Variants in FRS2 observed in about 807,000 individuals in gnomAD.
FRS2 encodes the protein fibroblast growth factor receptor substrate 2, also known as FGFR signalling adaptor.
FRS2 carries 8 observed loss-of-function variants against 43.9 expected under a neutral mutation model. The observed-to-expected ratio is 0.18, with a 90% confidence interval of 0.11 to 0.33. The LOEUF (loss-of-function observed/expected upper bound fraction) is 0.33. Among genes scored for constraint, FRS2 ranks in the 10% least tolerant of loss-of-function variants. The pLI, the probability that FRS2 is intolerant of heterozygous loss-of-function variation, is 1.00. For synonymous variants in FRS2, 219 were observed against 220.3 expected (o/e 0.99, Z 0.05); for missense variants, 534 against 627.6 (o/e 0.85, Z 1.59).
intron 3 of FRS2, among the ~76,000 whole-genome samples, chr12:69,554,226 T>C (rs1324782488): frequency 1.3e-5 from 2 of 152,172 alleles, no homozygotes; most frequent in Non-Finnish European, 2.9e-5. Context: ...TAGTTAATAA[T>C]TCATTGATTA....
At chr12:69,503,100 C>G (rs1592949017) in intron 1 of FRS2, among the ~76,000 whole-genome samples, 1 of 152,138 alleles carries the variant, frequency 6.6e-6, no homozygotes, top group African/African-American at 2.4e-5. Context: ...GGCAAAGAAT[C>G]CACTTCTAAG....
At chr12:69,498,555 G>GTGTGTGTGT (rs1565727350) in intron 1 of FRS2, among the ~76,000 whole-genome samples, 1 of 150,766 alleles carries the variant, frequency 6.6e-6, no homozygotes, top group Middle Eastern at 3.4e-3. Context: ...GTGTGTGTTT[G>GTGTGTGTGT]GTTTTTTGTT....
At position 69,489,331 on chromosome 12, in the gene FRS2, G is replaced by A. The variant is rs113019176; in HGVS notation, c.-261+18801G>A. On this transcript the variant is annotated intron_variant, in intron 1 of 8. Transcript: ENST00000549921. ...ATTTTGCTCCTTGGTTCTTTTTTTT[G>A]CACCAACTGTGTAAGAAAAATGAGG... 6.8e-3 allele frequency among the ~76,000 whole-genome samples: 1,034 copies of A among 151,728 alleles called. 6 individuals are homozygous for A. Among genetic ancestry groups the A allele is most frequent in the African/African-American group, 0.024 (992 of 41,368 alleles).
At chr12:69,480,824 T>C (rs1391835752) in intron 1 of FRS2, among the ~76,000 whole-genome samples, 2 of 152,226 alleles carry the variant, frequency 1.3e-5, no homozygotes, top group African/African-American at 4.8e-5. Flanking sequence ...ATCCAGTATC[T>C]GAAGTCTTTG....
intron 1 of FRS2, among the ~76,000 whole-genome samples, chr12:69,482,992 T>G (rs1871479226): frequency 6.6e-6 from 1 of 152,232 alleles, no homozygotes; most frequent in South Asian, 2.1e-4. Context: ...TCAGAAAAGT[T>G]TAATATTATA....
chr12:69,492,458 A>G (rs957826261), intron 1 of FRS2, among the ~76,000 whole-genome samples: 1 of 152,212 alleles, frequency 6.6e-6, no homozygotes, highest in Non-Finnish European at 1.5e-5. Flanking sequence ...AATGGCTGTA[A>G]TTGTCAGGAA....
chr12:69,547,386 A>G (rs988057650), intron 3 of FRS2, among the ~76,000 whole-genome samples: 6 of 152,126 alleles, frequency 3.9e-5, no homozygotes, highest in Non-Finnish European at 8.8e-5. Context: ...CCTTGAGCCT[A>G]GGATGTCAAG....
At chr12:69,550,358 C>T (rs932248661) in intron 3 of FRS2, among the ~76,000 whole-genome samples, 4 of 152,256 alleles carry the variant, frequency 2.6e-5, no homozygotes, top group African/African-American at 7.2e-5. Context: ...ATGCAACAAC[C>T]ACTTCCAAAC....
chr12:69,527,413 G>T (rs1278536166), intron 1 of FRS2, among the ~76,000 whole-genome samples: 1 of 133,420 alleles, frequency 7.5e-6, no homozygotes, highest in Non-Finnish European at 1.5e-5. Flanking sequence ...CTAACTCGTG[G>T]GCTCAAAGAA....
chr12:69,533,611 A>G (rs1289753864), intron 3 of FRS2, among the ~76,000 whole-genome samples: 1 of 152,122 alleles, frequency 6.6e-6, no homozygotes, highest in Non-Finnish European at 1.5e-5. Flanking sequence ...GGCCTCCCAA[A>G]GTGTTGGGAT....
intron 1 of FRS2, among the ~76,000 whole-genome samples, chr12:69,504,147 T>C (rs1873717638): frequency 6.6e-6 from 1 of 152,232 alleles, no homozygotes; most frequent in Admixed American, 6.5e-5. Flanking sequence ...GGAGCTTTCA[T>C]TCCGATGAGT....
At chr12:69,501,251 TATAA>T (rs1873419170) in intron 1 of FRS2, among the ~76,000 whole-genome samples, 1 of 151,840 alleles carries the variant, frequency 6.6e-6, no homozygotes, top group Non-Finnish European at 1.5e-5. Flanking sequence ...TGAGACAAGA[TATAA>T]ATAAATACGT....
chr12:69,515,547 GA>G (rs1312481249), intron 1 of FRS2, among the ~76,000 whole-genome samples: 1 of 152,002 alleles, frequency 6.6e-6, no homozygotes, highest in Non-Finnish European at 1.5e-5. Context: ...GGGAGGAAGG[GA>G]AAAACATCCC....
chr12:69,485,093 A>ACACACACACACACACACACGCGCG (rs1179154157), intron 1 of FRS2, among the ~76,000 whole-genome samples: 2 of 130,914 alleles, frequency 1.5e-5, no homozygotes, highest in East Asian at 4.2e-4. Flanking sequence ...ACACACACAC[A>ACACACACACACACACACACGCGCG]CACACACACA....
At chr12:69,546,836 A>G (rs910205726) in intron 3 of FRS2, among the ~76,000 whole-genome samples, 35 of 152,230 alleles carry the variant, frequency 2.3e-4, no homozygotes, top group African/African-American at 7.5e-4. Flanking sequence ...CAAAAAATTA[A>G]AAACAGAATT....
At chr12:69,473,644 G>C (rs1180225174) in intron 1 of FRS2, among the ~76,000 whole-genome samples, 1 of 152,146 alleles carries the variant, frequency 6.6e-6, no homozygotes, top group Non-Finnish European at 1.5e-5. Flanking sequence ...CGTTTGGGAG[G>C]TAATGAGAAG....
intron 1 of FRS2, among the ~76,000 whole-genome samples, chr12:69,515,219 A>G (rs1266747568): frequency 2.0e-5 from 3 of 152,250 alleles, no homozygotes; most frequent in Non-Finnish European, 4.4e-5. Flanking sequence ...TGATGCATTT[A>G]GCTCAAAATT....
At chr12:69,557,629 C>CGCGT (rs1555192569) in intron 3 of FRS2, among the ~76,000 whole-genome samples, 2 of 111,854 alleles carry the variant, frequency 1.8e-5, no homozygotes, top group East Asian at 4.9e-4. Flanking sequence ...TGCGCGCGCG[C>CGCGT]GCGCGCGCAG....
intron 3 of FRS2, among the ~76,000 whole-genome samples, chr12:69,557,628 G>GCA (rs1555192578): frequency 0.019 from 2,852 of 147,512 alleles, 99 homozygotes; most frequent in African/African-American, 0.068. Flanking sequence ...GTGCGCGCGC[G>GCA]CGCGCGCGCA....
Sources: gnomAD v4.1 joint callset for allele counts (sites outside exome capture counted in the v4.1 genomes callset) on GRCh38, gnomAD v4.1.1 for gene constraint, MANE v1.5 for transcripts, NCBI Gene and HGNC (gene_info 2026-07-23, HGNC 2026-07-21) for gene names.